Variants in SPAG16 observed in about 807,000 individuals in gnomAD.
SPAG16 encodes the protein sperm-associated antigen 16 protein.
A neutral mutation model predicts 80.4 loss-of-function variants in SPAG16; 86 were observed. The observed-to-expected ratio is 1.07, with a 90% confidence interval of 0.90 to 1.28. The LOEUF is 1.28. Ranked by LOEUF, SPAG16 falls within the 50% of genes most tolerant of loss-of-function variation. SPAG16 has a pLI of 0.00. For synonymous variants in SPAG16, 294 were observed against 265.9 expected (o/e 1.11, Z -1.03); for missense variants, 870 against 765.3 (o/e 1.14, Z -1.61).
intron 10 of SPAG16, among the ~76,000 whole-genome samples, chr2:213,571,829 G>A (rs1262838129): frequency 8.4e-6 from 1 of 118,852 alleles, no homozygotes; most frequent in East Asian, 2.3e-4. Flanking sequence ...ATCCTGCAGA[G>A]TGTTTTCCAA....
intron 10 of SPAG16, among the ~76,000 whole-genome samples, chr2:213,852,382 G>A (rs913258784): frequency 2.0e-5 from 3 of 152,118 alleles, no homozygotes; most frequent in African/African-American, 4.8e-5. Context: ...ACTTAAAACC[G>A]TGAAATGATC....
intron 9 of SPAG16, among the ~76,000 whole-genome samples, chr2:213,421,858 A>G (rs918982145): frequency 6.6e-6 from 1 of 152,094 alleles, no homozygotes; most frequent in African/African-American, 2.4e-5. Context: ...GCCCGCAGAA[A>G]GGAGCTACCC....
At chr2:214,404,814 G>T (rs1701905699) in intron 15 of SPAG16, among the ~76,000 whole-genome samples, 1 of 152,074 alleles carries the variant, frequency 6.6e-6, no homozygotes, top group Admixed American at 6.6e-5. Context: ...TAGAACCAGG[G>T]AGATAATTTG....
At chr2:213,480,313 A>T (rs1181827131) in intron 9 of SPAG16, among the ~76,000 whole-genome samples, 1 of 152,218 alleles carries the variant, frequency 6.6e-6, no homozygotes, top group East Asian at 1.9e-4. Context: ...AACAGATGCC[A>T]ATTGGTTGGG....
intron 10 of SPAG16, among the ~76,000 whole-genome samples, chr2:213,575,551 G>A (rs187867173): frequency 2.0e-3 from 308 of 152,150 alleles, no homozygotes; most frequent in African/African-American, 7.0e-3. Context: ...ATGATTTTGT[G>A]TATCCCTTTT....
At chr2:214,165,630 C>T (rs1199452150) in intron 15 of SPAG16, among the ~76,000 whole-genome samples, 2 of 150,528 alleles carry the variant, frequency 1.3e-5, no homozygotes, top group Non-Finnish European at 1.5e-5. Flanking sequence ...TCCCCACTGC[C>T]CCCCACCCCC....
intron 7 of SPAG16, among the ~76,000 whole-genome samples, chr2:213,361,415 A>AAT (rs139385898): frequency 0.22 from 31,952 of 148,028 alleles, 4,213 homozygotes; most frequent in Non-Finnish European, 0.31. Flanking sequence ...ACTAAATCTA[A>AAT]ATATATATAT....
chr2:213,845,447 C>T (rs931311919), intron 10 of SPAG16, among the ~76,000 whole-genome samples: 1 of 152,104 alleles, frequency 6.6e-6, no homozygotes, highest in East Asian at 1.9e-4. Context: ...CCACCCTCTT[C>T]GGCCTCCCAA....
At chr2:213,999,445 T>C (rs748646252) in intron 12 of SPAG16, among the ~76,000 whole-genome samples, 1 of 152,090 alleles carries the variant, frequency 6.6e-6, no homozygotes, top group Non-Finnish European at 1.5e-5. Context: ...AGAACATGTA[T>C]GGAAATGCCT....
chr2:213,685,927 T>C (rs1004898591), intron 10 of SPAG16, among the ~76,000 whole-genome samples: 9 of 152,170 alleles, frequency 5.9e-5, no homozygotes, highest in Non-Finnish European at 1.5e-5. Flanking sequence ...TAAAAACTGG[T>C]TTTCGTTAAC....
intron 10 of SPAG16, among the ~76,000 whole-genome samples, chr2:213,840,423 A>G (rs11692015): frequency 0.25 from 38,296 of 152,130 alleles, 5,293 homozygotes; most frequent in Middle Eastern, 0.38. Flanking sequence ...ACAAACTCTG[A>G]CATTAGTTTC....
chr2:214,111,860 C>T (rs1356927701), intron 14 of SPAG16, among the ~76,000 whole-genome samples: 1 of 152,002 alleles, frequency 6.6e-6, no homozygotes, highest in Non-Finnish European at 1.5e-5. Context: ...GAGTTGGATT[C>T]CTAGGTATTT....
intron 9 of SPAG16, among the ~76,000 whole-genome samples, chr2:213,476,601 C>T (rs1440988794): frequency 3.3e-5 from 5 of 152,210 alleles, no homozygotes; most frequent in Admixed American, 1.3e-4. Context: ...CATAGGTCCA[C>T]TCTTACTCAA....
chr2:214,037,460 A>T (rs2048757472), intron 13 of SPAG16, among the ~76,000 whole-genome samples: 1 of 152,070 alleles, frequency 6.6e-6, no homozygotes, highest in Non-Finnish European at 1.5e-5. Context: ...ACATTTTAAG[A>T]ATGCCCAATG....
intron 15 of SPAG16, among the ~76,000 whole-genome samples, chr2:214,328,286 G>C (rs1017283387): frequency 7.2e-5 from 11 of 152,194 alleles, no homozygotes; most frequent in Middle Eastern, 6.8e-3. Context: ...CTCCCAAGTA[G>C]CTGGGGCTAC....
At chr2:213,476,290 A>T (rs1272027745) in intron 9 of SPAG16, among the ~76,000 whole-genome samples, 1 of 152,244 alleles carries the variant, frequency 6.6e-6, no homozygotes, top group Non-Finnish European at 1.5e-5. Flanking sequence ...CCAATCCAGG[A>T]GTCTTCCAGT....
intron 10 of SPAG16, among the ~76,000 whole-genome samples, chr2:213,740,228 G>C (rs2067482688): frequency 6.6e-6 from 1 of 152,030 alleles, no homozygotes; most frequent in South Asian, 2.1e-4. Flanking sequence ...TCCTAAATTA[G>C]AGCTAAGAGT....
In SPAG16 at chr2:214,347,425, A is replaced by G. The variant is rs556753696; in HGVS notation, c.1721-62715A>G. Among the ~76,000 whole-genome samples, 22 of 152,248 alleles carry G rather than the reference A, an allele frequency of 1.4e-4. No individual in the cohort carries two copies. In the South Asian group the frequency reaches 4.6e-3, roughly 32 times the overall value. On this transcript the variant is annotated intron_variant, in intron 15 of 15. Coordinates refer to ENST00000331683, the MANE Select transcript of SPAG16 (RefSeq NM_024532.5). ...ATATCCCACAAAATATCCATAAAAT[A>G]AAATATAGCTGCAAGGCAAAGATCA...
At chr2:214,020,535 T>C (rs1376438742) in intron 13 of SPAG16, among the ~76,000 whole-genome samples, 2 of 152,166 alleles carry the variant, frequency 1.3e-5, no homozygotes, top group African/African-American at 4.8e-5. Flanking sequence ...GGAATTCTGA[T>C]TTAATAATTT....
Sources: allele counts gnomAD v4.1 joint callset (sites outside exome capture counted in the v4.1 genomes callset), GRCh38; gene constraint gnomAD v4.1.1; transcripts MANE v1.5; gene names NCBI Gene and HGNC (gene_info 2026-07-23, HGNC 2026-07-21).